ST3GAL4: variants seen among roughly 807,000 people sequenced by gnomAD.
The protein encoded by ST3GAL4 is CMP-N-acetylneuraminate-beta-galactosamide-alpha-2,3-sialyltransferase 4.
Under a neutral mutation model 42.6 loss-of-function variants are expected in ST3GAL4, and 24 were observed. That is an observed-to-expected ratio of 0.56 (90% CI 0.41 to 0.79). The LOEUF (loss-of-function observed/expected upper bound fraction) is 0.79, where lower values mean the gene tolerates loss of function less well. Ranked by LOEUF, ST3GAL4 falls within the 30% of genes least tolerant of loss-of-function variation. The pLI is 0.00. For missense variants in ST3GAL4, 311 were observed against 430.8 expected, an observed-to-expected ratio of 0.72 and a Z score of 2.46; for synonymous variants, 135 against 163.2, an observed-to-expected ratio of 0.83 and a Z score of 1.32.
Position 126,392,581 on chromosome 11 carries a change from C to T in ST3GAL4, c.-60-13515C>T, listed in dbSNP as rs1039947329. On this transcript the variant is annotated intron_variant, in intron 1 of 10. Coordinates refer to ENST00000444328, the MANE Select transcript of ST3GAL4 (RefSeq NM_001254757.2). This position sits in a 1 kb window ranked among gnomAD's most constrained non-coding sequence, Gnocchi z 5.8. ...TGTTTTAACTTGATGCAACTTGCTG[C>T]TCACAGTCATCTTATTGTTTGCTGA... 1.3e-5 allele frequency among the ~76,000 whole-genome samples: 2 copies of T among 152,216 alleles called. No individual in the cohort carries two copies. Among genetic ancestry groups the T allele is most frequent in the African/African-American group, 4.8e-5 (2 of 41,474 alleles).
At chr11:126,395,353 G>A (rs990652789) in intron 1 of ST3GAL4, among the ~76,000 whole-genome samples, 2 of 152,146 alleles carry the variant, frequency 1.3e-5, no homozygotes, top group Non-Finnish European at 1.5e-5. Context: ...GTTGTTGCTG[G>A]GAAGTAGAGA....
At chr11:126,370,899 CTCAA>C (rs1334001698) in intron 1 of ST3GAL4, among the ~76,000 whole-genome samples, 1 of 152,078 alleles carries the variant, frequency 6.6e-6, no homozygotes, top group Non-Finnish European at 1.5e-5. Flanking sequence ...AGCTCCTGAA[CTCAA>C]TCAATCTACC....
chr11:126,402,503 A>G (rs1954051661), intron 1 of ST3GAL4, among the ~76,000 whole-genome samples: 1 of 151,894 alleles, frequency 6.6e-6, no homozygotes. Flanking sequence ...AGTAAGAGTA[A>G]GTGGTCGCTT....
At position 126,409,342 on chromosome 11, in the gene ST3GAL4, C is replaced by T. The variant is rs1361742413; in HGVS notation, c.702C>T (p.Pro234=). The T allele has an allele frequency of 6.2e-7, 1 of 1,614,262 alleles. No individual in the cohort carries two copies. The highest frequency in any genetic ancestry group is 1.1e-5 in the South Asian group (1 of 91,092). Reference sequence around the variant, plus strand: ...CTAAACAGATTCGGATTCTCAACCCCTTCTTCATGGAGATTGCAGCTGACA... The same window carrying T: ...CTAAACAGATTCGGATTCTCAACCCTTTCTTCATGGAGATTGCAGCTGACA... ...VNPKQIRILN[P]FFMEIAADKL... The change falls in exon 9 of 11, where the codon CCC becomes CCT. Residue 234 remains proline (P), a synonymous_variant. Coordinates refer to ENST00000444328, the MANE Select transcript of ST3GAL4 (RefSeq NM_001254757.2). The surrounding 1 kb of genome is among the most constrained non-coding windows in gnomAD (Gnocchi z 4.9).
intron 1 of ST3GAL4, among the ~76,000 whole-genome samples, chr11:126,387,125 T>C (rs1319580138): frequency 2.6e-5 from 4 of 152,152 alleles, no homozygotes; most frequent in Non-Finnish European, 4.4e-5. Context: ...TGTTCTAGGG[T>C]CTGAGATCAG....
chr11:126,407,160 A>G, intron 4 of ST3GAL4, 92 bp from the exon 5 acceptor site: 1 of 1,496,978 alleles, frequency 6.7e-7, no homozygotes, highest in South Asian at 1.1e-5. Context: ...AGGGAAGAGA[A>G]GGCCTTATAA....
At chr11:126,361,164 C>T (rs1952228843) in intron 1 of ST3GAL4, among the ~76,000 whole-genome samples, 1 of 152,186 alleles carries the variant, frequency 6.6e-6, no homozygotes, top group African/African-American at 2.4e-5. Context: ...TATGTCAGTC[C>T]TCTCCTTATT....
At position 126,383,892 on chromosome 11, in the gene ST3GAL4, G is replaced by A. The variant is rs779169876; in HGVS notation, c.-60-22204G>A. On this transcript the variant is annotated intron_variant, in intron 1 of 10. Transcript: ENST00000444328. The surrounding 1 kb of genome is among the most constrained non-coding windows in gnomAD (Gnocchi z 4.5). The stretch of plus-strand genomic sequence containing the variant: ...CTCTGAGGGGGTGGGCTTCCTGCGG[G>A]GGACAAACTGGAGAGGGACTCTCTT... Among the ~76,000 whole-genome samples the A allele has an allele frequency of 1.3e-5, 2 of 152,158 alleles. No homozygotes were observed. The highest frequency in any genetic ancestry group is 2.9e-5 in the Non-Finnish European group (2 of 68,028).
At chr11:126,375,869 C>CTTTTTT (rs11443803) in intron 1 of ST3GAL4, among the ~76,000 whole-genome samples, 1 of 122,646 alleles carries the variant, frequency 8.2e-6, no homozygotes, top group Non-Finnish European at 1.7e-5. Context: ...CCTTTTCTTC[C>CTTTTTT]TTTTTTTTTT....
At chr11:126,406,000 T>G in intron 1 of ST3GAL4, 96 bp from the exon 2 acceptor site, 1 of 1,423,880 alleles carries the variant, frequency 7.0e-7, no homozygotes, top group African/African-American at 1.4e-5. Flanking sequence ...TGCTTTCTGG[T>G]GGAAGGGAGG....
At chr11:126,385,341 A>G (rs1953186090) in intron 1 of ST3GAL4, among the ~76,000 whole-genome samples, 1 of 151,560 alleles carries the variant, frequency 6.6e-6, no homozygotes, top group Non-Finnish European at 1.5e-5. Flanking sequence ...TTTAGTAGAG[A>G]CAGGGTTTCA....
At position 126,398,982 on chromosome 11, in the gene ST3GAL4, TTGGCACTGCCGGAGCTGTGA is replaced by T. The variant is rs1315589021; in HGVS notation, c.-60-7112_-60-7093del. 1.3e-5 allele frequency among the ~76,000 whole-genome samples: 2 copies of T among 152,282 alleles called. No individual in the cohort carries two copies. Among genetic ancestry groups the T allele is most frequent in the African/African-American group, 4.8e-5 (2 of 41,562 alleles). On this transcript the variant is annotated intron_variant, in intron 1 of 10. Transcript: ENST00000444328. The surrounding 1 kb of genome is among the most constrained non-coding windows in gnomAD (Gnocchi z 4.7). ...TTGACATAGTTCCTTCCCTCAGATT[TTGGCACTGCCGGAGCTGTGA>T]TCACAGGTCATCTCTGCAGTACCTT...
At chr11:126,407,695 TC>T in intron 6 of ST3GAL4, 61 bp downstream of exon 6, 3 of 1,408,856 alleles carry the variant, frequency 2.1e-6, no homozygotes, top group East Asian at 2.5e-5. Flanking sequence ...CCCTGCCCGC[TC>T]CCCCCACTCC....
intron 1 of ST3GAL4, among the ~76,000 whole-genome samples, chr11:126,369,140 T>G (rs1218835228): frequency 6.6e-6 from 1 of 152,184 alleles, no homozygotes; most frequent in Non-Finnish European, 1.5e-5. Context: ...TGATGCGTGT[T>G]CTAGGGCTTG....
rs374434343 is a variant in ST3GAL4 at position 126,406,327 on chromosome 11, G to A, written c.17-146G>A. The A allele has an allele frequency of 3.5e-5, 54 of 1,540,516 alleles. No individual in the cohort carries two copies. The East Asian group carries it at 6.0e-4, about 17-fold the overall frequency. On this transcript the variant is annotated intron_variant, in intron 2 of 10. Transcript: ENST00000444328. The surrounding 1 kb of genome is among the most constrained non-coding windows in gnomAD (Gnocchi z 5.4). ...GGACAGTGGGTACAATCAGGGTCAA[G>A]CCCTCAGCCAGGGCCAGGAGAGGGC... is the stretch of plus-strand genomic sequence containing the variant.
chr11:126,386,746 G>A lies in ST3GAL4; in HGVS notation c.-60-19350G>A, dbSNP rs940301298. ...GGGTGGCTCTGCCAGCTTCCCCTGG[G>A]GTGCTTCTGGCAACGCCCAGGTCTG... On this transcript the variant is annotated intron_variant, in intron 1 of 10. Transcript: ENST00000444328. This position sits in a 1 kb window ranked among gnomAD's most constrained non-coding sequence, Gnocchi z 4.7. Among the ~76,000 whole-genome samples, 5 of 152,172 alleles carry A rather than the reference G, an allele frequency of 3.3e-5. No homozygotes were observed. Among genetic ancestry groups the A allele is most frequent in the Admixed American group, 6.5e-5 (1 of 15,282 alleles).
rs1200290558 is a variant in ST3GAL4 at position 126,411,866 on chromosome 11, C to T, written c.772-1639C>T. Among the ~76,000 whole-genome samples, 1 of 152,006 alleles carries T rather than the reference C, an allele frequency of 6.6e-6. No homozygotes were observed. The highest frequency in any genetic ancestry group is 2.4e-5 in the African/African-American group (1 of 41,372). On this transcript the variant is annotated intron_variant, in intron 9 of 10. Coordinates refer to ENST00000444328, the MANE Select transcript of ST3GAL4 (RefSeq NM_001254757.2). This position sits in a 1 kb window ranked among gnomAD's most constrained non-coding sequence, Gnocchi z 6.3. Reference sequence around the variant, plus strand: ...ATCTTGACACCCGGATTTAAAGGTTCAGGTAATTAGGTCAAGCTCAGCAGG... The same window carrying T: ...ATCTTGACACCCGGATTTAAAGGTTTAGGTAATTAGGTCAAGCTCAGCAGG...
chr11:126,409,179 C>A lies in ST3GAL4; in HGVS notation c.628-89C>A. ...TGAAGGCCTCTGCCATCGCTTGGAC[C>A]CCCTCGCCTCGCTGAGGACCACTGG... On this transcript the variant is annotated intron_variant, in intron 8 of 10. Coordinates refer to ENST00000444328, the MANE Select transcript of ST3GAL4 (RefSeq NM_001254757.2). The surrounding 1 kb of genome is among the most constrained non-coding windows in gnomAD (Gnocchi z 4.9). The A allele has an allele frequency of 6.5e-7, 1 of 1,541,046 alleles. No homozygotes were observed. Among genetic ancestry groups the A allele is most frequent in the Non-Finnish European group, 8.9e-7 (1 of 1,129,882 alleles).
intron 1 of ST3GAL4, among the ~76,000 whole-genome samples, chr11:126,388,093 T>C (rs1953299089): frequency 6.6e-6 from 1 of 152,222 alleles, no homozygotes; most frequent in African/African-American, 2.4e-5. Context: ...ATAGGAAACT[T>C]TGTAGAATAA....
Sources: allele counts gnomAD v4.1 joint callset (sites outside exome capture counted in the v4.1 genomes callset), GRCh38; gene constraint gnomAD v4.1.1; non-coding constraint Gnocchi (gnomAD v3.1); transcripts MANE v1.5; gene names NCBI Gene and HGNC (gene_info 2026-07-23, HGNC 2026-07-21).